FGGY: variants seen among roughly 807,000 people sequenced by gnomAD.
FGGY encodes FGGY carbohydrate kinase domain-containing protein.
FGGY carries 72 observed loss-of-function variants against 71.3 expected under a neutral mutation model. The observed-to-expected ratio is 1.01, with a 90% CI of 0.84 to 1.23. FGGY has a LOEUF of 1.23. FGGY is among the 50% of genes most tolerant of loss of function. The pLI is 0.00. For missense variants in FGGY, 668 were observed against 682.3 expected (o/e 0.98, Z 0.23); for synonymous variants, 251 against 250.3 (o/e 1.00, Z -0.02).
At chr1:59,357,874 G>T (rs2054635697) in intron 4 of FGGY, among the ~76,000 whole-genome samples, 1 of 152,198 alleles carries the variant, frequency 6.6e-6, no homozygotes, top group Non-Finnish European at 1.5e-5. Context: ...GGCTGTGCAG[G>T]GATGTTGGCC....
chr1:59,537,098 C>T (rs1386374185), intron 7 of FGGY, among the ~76,000 whole-genome samples: 1 of 150,788 alleles, frequency 6.6e-6, no homozygotes, highest in African/African-American at 2.4e-5. Flanking sequence ...CTAGAAAACC[C>T]CATTGTCTCA....
intron 9 of FGGY, among the ~76,000 whole-genome samples, chr1:59,622,330 G>C (rs1416296090): frequency 6.6e-6 from 1 of 151,942 alleles, no homozygotes; most frequent in Non-Finnish European, 1.5e-5. Context: ...CTTAAGTATG[G>C]ATTACATTTT....
At chr1:59,307,439 T>A (rs1369083311) in intron 1 of FGGY, among the ~76,000 whole-genome samples, 1 of 152,116 alleles carries the variant, frequency 6.6e-6, no homozygotes, top group Non-Finnish European at 1.5e-5. Flanking sequence ...ATTGTTAGGA[T>A]CTTTAAAAAA....
chr1:59,465,678 G>A (rs1379326134), intron 6 of FGGY, among the ~76,000 whole-genome samples: 1 of 152,198 alleles, frequency 6.6e-6, no homozygotes, highest in Non-Finnish European at 1.5e-5. Context: ...CAAAGTCAAT[G>A]TGCAAAAATC....
At chr1:59,446,846 A>G (rs1213183194) in intron 5 of FGGY, among the ~76,000 whole-genome samples, 2 of 152,214 alleles carry the variant, frequency 1.3e-5, no homozygotes, top group East Asian at 1.9e-4. Flanking sequence ...GGGCCTGGCA[A>G]TGTCAGTACA....
intron 6 of FGGY, among the ~76,000 whole-genome samples, chr1:59,480,400 G>C (rs1208603743): frequency 1.3e-5 from 2 of 152,112 alleles, no homozygotes; most frequent in African/African-American, 4.8e-5. Flanking sequence ...CATGTTCCAG[G>C]AAGAAGGACA....
intron 7 of FGGY, among the ~76,000 whole-genome samples, chr1:59,514,259 A>G (rs1003164751): frequency 6.6e-6 from 1 of 152,180 alleles, no homozygotes; most frequent in Non-Finnish European, 1.5e-5. Flanking sequence ...ATCCACCCCT[A>G]CCTGGGTGAC....
intron 7 of FGGY, among the ~76,000 whole-genome samples, chr1:59,540,864 A>C (rs2095429032): frequency 6.6e-6 from 1 of 152,148 alleles, no homozygotes. Flanking sequence ...ATGTCAGCAC[A>C]CAAAGGAGCA....
At chr1:59,389,262 C>G (rs1482512178) in intron 5 of FGGY, among the ~76,000 whole-genome samples, 3 of 152,192 alleles carry the variant, frequency 2.0e-5, no homozygotes, top group Non-Finnish European at 2.9e-5. Context: ...CTCTAATCTA[C>G]TTTATGTCTG....
At chr1:59,407,788 A>G (rs1436305154) in intron 5 of FGGY, among the ~76,000 whole-genome samples, 1 of 152,052 alleles carries the variant, frequency 6.6e-6, no homozygotes, top group East Asian at 1.9e-4. Context: ...CCATGGCTGC[A>G]CCCCCTGAAG....
chr1:59,412,031 C>A (rs775334264), intron 5 of FGGY, among the ~76,000 whole-genome samples: 5 of 152,158 alleles, frequency 3.3e-5, no homozygotes, highest in Non-Finnish European at 7.4e-5. Context: ...TATTTTAATT[C>A]TTCTATTACT....
intron 6 of FGGY, among the ~76,000 whole-genome samples, chr1:59,468,160 C>T (rs1326429354): frequency 1.3e-5 from 2 of 152,150 alleles, no homozygotes; most frequent in African/African-American, 4.8e-5. Context: ...CCCTCAGCCT[C>T]CCAAAGTGCT....
intron 8 of FGGY, among the ~76,000 whole-genome samples, chr1:59,556,579 C>T (rs925788801): frequency 1.3e-5 from 2 of 152,196 alleles, no homozygotes; most frequent in Non-Finnish European, 2.9e-5. Context: ...ATGGTGAGAA[C>T]ATGGGCTTTT....
intron 14 of FGGY, among the ~76,000 whole-genome samples, chr1:59,745,542 T>C (rs767764909): frequency 7.2e-5 from 11 of 152,352 alleles, no homozygotes; most frequent in Non-Finnish European, 1.3e-4. Context: ...ATTTCAAAAG[T>C]GTTCAGACCC....
chr1:59,345,063 A>G (rs2051533059), intron 3 of FGGY, among the ~76,000 whole-genome samples: 1 of 152,158 alleles, frequency 6.6e-6, no homozygotes, highest in South Asian at 2.1e-4. Context: ...CTTCACTTTC[A>G]AGAGTCTGTC....
intron 5 of FGGY, among the ~76,000 whole-genome samples, chr1:59,456,605 A>C (rs6692429): frequency 0.96 from 146,078 of 152,224 alleles, 70,108 homozygotes; most frequent in East Asian, 0.98. Context: ...TCCACCACCA[A>C]GCCTGGCTAA....
intron 10 of FGGY, among the ~76,000 whole-genome samples, chr1:59,635,628 T>G (rs543274595): frequency 6.6e-6 from 1 of 152,120 alleles, no homozygotes; most frequent in Non-Finnish European, 1.5e-5. Context: ...TAGTGCAGAC[T>G]CTTGACTTCT....
chr1:59,392,033 A>C (rs2060757201), intron 5 of FGGY, among the ~76,000 whole-genome samples: 1 of 152,162 alleles, frequency 6.6e-6, no homozygotes, highest in Non-Finnish European at 1.5e-5. Context: ...CAGTGTGTGG[A>C]ATAAGAGTTA....
At chr1:59,455,486 T>C (rs992917478) in intron 5 of FGGY, among the ~76,000 whole-genome samples, 1 of 152,172 alleles carries the variant, frequency 6.6e-6, no homozygotes, top group Non-Finnish European at 1.5e-5. Context: ...ACGGAGTGAC[T>C]GTGGAGATGG....
Sources: allele counts gnomAD v4.1 joint callset (sites outside exome capture counted in the v4.1 genomes callset), GRCh38; gene constraint gnomAD v4.1.1; transcripts MANE v1.5; gene names NCBI Gene and HGNC (gene_info 2026-07-23, HGNC 2026-07-21).